The following UNC13C variants were observed in gnomAD, a reference collection of about 807,000 sequenced individuals.
UNC13C encodes protein unc-13 homolog C.
UNC13C carries 174 observed loss-of-function variants against 245.4 expected under a neutral mutation model. The observed-to-expected ratio is 0.71, with a 90% CI of 0.63 to 0.80. The LOEUF (loss-of-function observed/expected upper bound fraction) is 0.80, where lower values mean the gene tolerates loss of function less well. Among genes scored for constraint, UNC13C ranks in the 30% least tolerant of loss-of-function variants. The pLI is 0.00. For missense variants in UNC13C, 2,829 were observed against 2,602.9 expected (o/e 1.09, Z -1.89); for synonymous variants, 992 against 895.1 (o/e 1.11, Z -1.93).
chr15:54,240,234 T>TGA (rs2035815300), intron 7 of UNC13C, among the ~76,000 whole-genome samples: 1 of 152,194 alleles, frequency 6.6e-6, no homozygotes, highest in Admixed American at 6.5e-5. Context: ...TAAAGCCCAT[T>TGA]TCCCTGGGAC....
intron 30 of UNC13C, among the ~76,000 whole-genome samples, chr15:54,571,523 A>G (rs1897756828): frequency 6.6e-6 from 1 of 152,216 alleles, no homozygotes; most frequent in Non-Finnish European, 1.5e-5. Flanking sequence ...TATTGTTGCA[A>G]TTATCCAAAT....
chr15:54,185,794 G>C (rs201155701), intron 4 of UNC13C, among the ~76,000 whole-genome samples: 13 of 150,904 alleles, frequency 8.6e-5, no homozygotes, highest in African/African-American at 2.7e-4. Flanking sequence ...TAGTTTTTTC[G>C]AATTCTGTGA....
At chr15:54,267,895 C>T (rs1016381311) in intron 10 of UNC13C, among the ~76,000 whole-genome samples, 2 of 151,888 alleles carry the variant, frequency 1.3e-5, no homozygotes, top group African/African-American at 4.8e-5. Context: ...ACATATTAGG[C>T]CTCCTGAAGT....
At chr15:54,401,604 G>A (rs1294010046) in intron 18 of UNC13C, among the ~76,000 whole-genome samples, 2 of 152,152 alleles carry the variant, frequency 1.3e-5, no homozygotes, top group Non-Finnish European at 2.9e-5. Flanking sequence ...AAACAGGAAC[G>A]AAGATCGCGT....
At chr15:54,439,382 T>G (rs916161131) in intron 19 of UNC13C, among the ~76,000 whole-genome samples, 5 of 151,990 alleles carry the variant, frequency 3.3e-5, no homozygotes, top group Non-Finnish European at 5.9e-5. Context: ...GTAAAATATA[T>G]AAAATAGGAT....
chr15:54,612,547 T>C (rs1025783188), intron 30 of UNC13C, among the ~76,000 whole-genome samples: 3 of 152,074 alleles, frequency 2.0e-5, no homozygotes, highest in African/African-American at 7.2e-5. Flanking sequence ...AGATATCAAA[T>C]GATTCCTGTT....
intron 32 of UNC13C, among the ~76,000 whole-genome samples, chr15:54,625,611 G>A (rs940927494): frequency 1.3e-5 from 2 of 152,128 alleles, no homozygotes; most frequent in African/African-American, 4.8e-5. Context: ...AAGCCCTAAG[G>A]ATTTACACGC....
At chr15:54,202,681 G>T (rs1331577585) in intron 4 of UNC13C, among the ~76,000 whole-genome samples, 1 of 152,066 alleles carries the variant, frequency 6.6e-6, no homozygotes, top group East Asian at 1.9e-4. Context: ...ATGGATCAAA[G>T]ACTTAAATCT....
rs538639211 is a variant in UNC13C at position 54,198,607 on chromosome 15, A to G, written c.3072-36423A>G. 1.1e-4 allele frequency among the ~76,000 whole-genome samples: 17 copies of G among 152,230 alleles called. No homozygotes were observed. The East Asian group carries it at 1.7e-3, about 16-fold the overall frequency. On this transcript the variant is annotated intron_variant, in intron 4 of 32. Coordinates refer to ENST00000260323, the MANE Select transcript of UNC13C (RefSeq NM_001080534.3). ...ACTGGGTGGGTAGACGCAGAATAAC[A>G]AAAACAATCACTATAGTTTGGCTCT...
chr15:53,976,477 C>CTTTTTTTTTTTT (rs10682648), upstream of UNC13C, among the ~76,000 whole-genome samples: 6,577 of 62,334 alleles, frequency 0.11, 1,254 homozygotes, highest in Middle Eastern at 0.15. Flanking sequence ...CTCTCTCTCT[C>CTTTTTTTTTTTT]TTTTTTTTTT....
chr15:54,276,351 A>C (rs569409463), intron 10 of UNC13C, among the ~76,000 whole-genome samples: 1 of 152,124 alleles, frequency 6.6e-6, no homozygotes, highest in Non-Finnish European at 1.5e-5. Flanking sequence ...AAAATAACTC[A>C]TTCACTGTGT....
intron 2 of UNC13C, among the ~76,000 whole-genome samples, chr15:54,080,403 T>C (rs1898878961): frequency 6.6e-6 from 1 of 152,070 alleles, no homozygotes; most frequent in Non-Finnish European, 1.5e-5. Flanking sequence ...TGGTATCAGC[T>C]CTTCTTTGTA....
chr15:54,381,954 A>C (rs1027754779), intron 17 of UNC13C, among the ~76,000 whole-genome samples: 33 of 152,318 alleles, frequency 2.2e-4, no homozygotes, highest in African/African-American at 7.9e-4. Context: ...TATTCTTCTC[A>C]TCAGCATGTG....
At chr15:54,562,992 A>C (rs1278119670) in intron 29 of UNC13C, among the ~76,000 whole-genome samples, 1 of 152,044 alleles carries the variant, frequency 6.6e-6, no homozygotes, top group African/African-American at 2.4e-5. Context: ...CACTTATGAA[A>C]TCATGTTGAA....
intron 10 of UNC13C, among the ~76,000 whole-genome samples, chr15:54,289,885 A>G (rs966570452): frequency 6.6e-5 from 10 of 152,102 alleles, no homozygotes; most frequent in African/African-American, 2.4e-4. Context: ...AATGCAGGGT[A>G]AATACCTGGA....
chr15:54,461,687 G>T (rs1238381771), intron 19 of UNC13C, among the ~76,000 whole-genome samples: 4 of 152,092 alleles, frequency 2.6e-5, no homozygotes, highest in South Asian at 2.1e-4. Flanking sequence ...AATCAGGTAG[G>T]ATTCACTAAA....
At chr15:54,520,361 T>A (rs187647182) in intron 24 of UNC13C, among the ~76,000 whole-genome samples, 1 of 152,064 alleles carries the variant, frequency 6.6e-6, no homozygotes, top group African/African-American at 2.4e-5. Context: ...GATAAATAAA[T>A]TAAGAATAGT....
the UNC13C span, among the ~76,000 whole-genome samples, chr15:53,895,954 T>C: frequency 6.8e-6 from 1 of 147,420 alleles, no homozygotes; most frequent in Admixed American, 6.8e-5. Flanking sequence ...CAGTATATTT[T>C]AACTTTAGCA....
At chr15:54,050,513 T>C in intron 2 of UNC13C, 4 of 505,290 alleles carry the variant, frequency 7.9e-6, no homozygotes, top group South Asian at 6.2e-5. Context: ...TCTCCAATTG[T>C]AACTAATGCT....
Sources: allele counts gnomAD v4.1 joint callset (sites outside exome capture counted in the v4.1 genomes callset), GRCh38; gene constraint gnomAD v4.1.1; transcripts MANE v1.5; gene names NCBI Gene and HGNC (gene_info 2026-07-23, HGNC 2026-07-21).